ANGPTL1: variants seen among roughly 807,000 people sequenced by gnomAD.
ANGPTL1 encodes the protein angiopoietin like 1, also known as angiopoietin-related protein 1.
In ANGPTL1, 36 loss-of-function variants were observed where a neutral mutation model predicts 46.7. The ratio of observed to expected loss-of-function variants is 0.77; its 90% CI spans 0.59 to 1.02. The LOEUF (loss-of-function observed/expected upper bound fraction) is 1.02. Ranked by LOEUF, ANGPTL1 falls within the 50% of genes least tolerant of loss-of-function variation. ANGPTL1 has a pLI of 0.00. For synonymous variants in ANGPTL1, 221 were observed against 204.3 expected, an observed-to-expected ratio of 1.08 and a Z score of -0.69; for missense variants, 571 against 594.7, an observed-to-expected ratio of 0.96 and a Z score of 0.41.
chr1:178,855,656 G>A (rs1210430857), intron 3 of ANGPTL1, among the ~76,000 whole-genome samples: 2 of 151,614 alleles, frequency 1.3e-5, no homozygotes, highest in East Asian at 3.9e-4. Flanking sequence ...CTTTTGAGAT[G>A]CCCTATCTTT....
chr1:178,865,042 A>G lies in ANGPTL1; in HGVS notation c.735T>C (p.Tyr245=). The G allele has an allele frequency of 6.7e-7, 1 of 1,497,196 alleles. No individual in the cohort carries two copies. Among genetic ancestry groups the G allele is most frequent in the South Asian group, 1.4e-5 (1 of 69,978 alleles). The allele number at this position is 1,497,196 out of a possible 1,614,324, so 92.7% of individuals were successfully genotyped here. ...GGNEIQRDPG[Y]PRDLMPPPDL... The stretch of plus-strand genomic sequence containing the variant: ...CAGGTGGTGGCATTAAATCTCTGGG[A>G]TAACCTGGATCCCTCTGAATCTCGT... Residue 245 remains tyrosine (Y), a synonymous_variant, in exon 3 of 6, where the codon TAT becomes TAC. Transcript: ENST00000234816.
rs1195146197 is a variant in ANGPTL1 at position 178,857,148 on chromosome 1, A to C, written c.824-3361T>G. ...TGGGAGTGAGATGGAAGGAAAAGTA[A>C]ATTATGACTCCCAGGTTCATACTTA... On this transcript the variant is annotated intron_variant, in intron 3 of 5. Coordinates refer to ENST00000234816, the MANE Select transcript of ANGPTL1 (RefSeq NM_004673.4). Among the ~76,000 whole-genome samples the C allele has an allele frequency of 3.3e-5, 5 of 152,190 alleles. No homozygotes were observed. The East Asian group carries it at 9.6e-4, about 29-fold the overall frequency.
At chr1:178,867,443 A>G (rs1471892623) in intron 2 of ANGPTL1, among the ~76,000 whole-genome samples, 1 of 152,104 alleles carries the variant, frequency 6.6e-6, no homozygotes, top group Admixed American at 6.6e-5. Flanking sequence ...ATTTGCATTT[A>G]TAACACTGAA....
chr1:178,861,144 T>C lies in ANGPTL1; in HGVS notation c.823+3810A>G, dbSNP rs374704684. ...AAGGTAGTGGTAGAACCAGGTGTTC[T>C]TAATTCCATGCTCTTTCCCTTATAT... is the stretch of plus-strand genomic sequence containing the variant. On this transcript the variant is annotated intron_variant, in intron 3 of 5. Coordinates refer to ENST00000234816, the MANE Select transcript of ANGPTL1 (RefSeq NM_004673.4). Among the ~76,000 whole-genome samples the C allele has an allele frequency of 3.9e-5, 6 of 152,292 alleles. No individual in the cohort carries two copies. In the East Asian group the frequency reaches 1.2e-3, roughly 29 times the overall value.
chr1:178,865,297 A>G lies in ANGPTL1; in HGVS notation c.480T>C (p.Asn160=). Residue 160 remains asparagine (N), a synonymous_variant, in exon 3 of 6, where the codon AAT becomes AAC. Coordinates refer to ENST00000234816, the MANE Select transcript of ANGPTL1 (RefSeq NM_004673.4). ...CCATCTTCAACATTTCTGTGGTGACATTGAGGATTTTGTTTTCCAGTTGGG... is the reference window on the plus strand; with the variant it reads ...CCATCTTCAACATTTCTGTGGTGACGTTGAGGATTTTGTTTTCCAGTTGGG... ...ELSQLENKIL[N]VTTEMLKMAT... 6.2e-7 allele frequency: 1 copy of G among 1,614,068 alleles called. No individual in the cohort carries two copies. The highest frequency in any genetic ancestry group is 8.5e-7 in the Non-Finnish European group (1 of 1,179,976).
At chr1:178,870,121 G>T (rs1231895290) in intron 1 of ANGPTL1, among the ~76,000 whole-genome samples, 2 of 152,110 alleles carry the variant, frequency 1.3e-5, no homozygotes, top group Non-Finnish European at 1.5e-5. Context: ...ACTATTACAT[G>T]TAAGCCTGGA....
At chr1:178,858,227 A>G (rs1040747138) in intron 3 of ANGPTL1, among the ~76,000 whole-genome samples, 1 of 152,146 alleles carries the variant, frequency 6.6e-6, no homozygotes, top group African/African-American at 2.4e-5. Flanking sequence ...TCCAGTGTAT[A>G]TTGTTGATCC....
chr1:178,853,046 A>ATACTGG lies in ANGPTL1; in HGVS notation c.1018-99_1018-94dup, dbSNP rs1657289807. The ATACTGG allele has an allele frequency of 4.0e-6, 6 of 1,485,014 alleles. No individual in the cohort carries two copies. In the Admixed American group the frequency reaches 1.4e-4, roughly 34 times the overall value. 92.0% of individuals were successfully genotyped at this position (1,485,014 alleles called of 1,614,324 possible). ...GTGTTAAACATTCGATAGCATAAAG[A>ATACTGG]TACTGGCCATTTAAGTGGTAATGTG... On this transcript the variant is annotated intron_variant, in intron 4 of 5. Transcript: ENST00000234816.
At chr1:178,854,466 C>T (rs1331770194) in intron 3 of ANGPTL1, among the ~76,000 whole-genome samples, 23 of 152,084 alleles carry the variant, frequency 1.5e-4, no homozygotes. Flanking sequence ...TGAAATAAAC[C>T]AGATGCCCAA....
At chr1:178,859,761 G>A (rs112445053) in intron 3 of ANGPTL1, among the ~76,000 whole-genome samples, 2,630 of 114,090 alleles carry the variant, frequency 0.023, 270 homozygotes, top group African/African-American at 0.1. Context: ...GCAGTGTCGC[G>A]ATCTCGGCTC....
At chr1:178,861,580 G>T (rs1434076624) in intron 3 of ANGPTL1, among the ~76,000 whole-genome samples, 5 of 151,928 alleles carry the variant, frequency 3.3e-5, no homozygotes, top group Non-Finnish European at 5.9e-5. Flanking sequence ...GCTAGAATTG[G>T]TTATACCATC....
intron 5 of ANGPTL1, among the ~76,000 whole-genome samples, chr1:178,851,795 A>G (rs77307991): frequency 0.041 from 6,236 of 152,218 alleles, 174 homozygotes; most frequent in African/African-American, 0.072. Context: ...TTACCAGTGT[A>G]AAATTGGTTA....
At chr1:178,851,679 T>C (rs77510120) in intron 5 of ANGPTL1, among the ~76,000 whole-genome samples, 7,968 of 152,150 alleles carry the variant, frequency 0.052, 726 homozygotes, top group African/African-American at 0.18. Context: ...AATTGAATTG[T>C]CAAAATAAAA....
chr1:178,863,773 A>G (rs944270833), intron 3 of ANGPTL1, among the ~76,000 whole-genome samples: 1 of 152,224 alleles, frequency 6.6e-6, no homozygotes, highest in African/African-American at 2.4e-5. Context: ...AAGGACCTAA[A>G]GAAATAGGAA....
At position 178,870,194 on chromosome 1, in the gene ANGPTL1, G is replaced by A. The variant is rs565600918; in HGVS notation, c.-137+547C>T. ...ATAGATTAATCTTAAATCTGTACAAGAATTTCTGCTTAATATTTGGTTATA... is the reference window on the plus strand; with the variant it reads ...ATAGATTAATCTTAAATCTGTACAAAAATTTCTGCTTAATATTTGGTTATA... On this transcript the variant is annotated intron_variant, in intron 1 of 5. Coordinates refer to ENST00000234816, the MANE Select transcript of ANGPTL1 (RefSeq NM_004673.4). 5.3e-5 allele frequency among the ~76,000 whole-genome samples: 8 copies of A among 152,214 alleles called. 1 individual carries two copies. In the South Asian group the frequency reaches 1.5e-3, roughly 28 times the overall value.
intron 3 of ANGPTL1, among the ~76,000 whole-genome samples, chr1:178,859,484 A>G (rs1572414297): frequency 6.9e-6 from 1 of 145,982 alleles, no homozygotes; most frequent in South Asian, 2.2e-4. Context: ...GCTCACTGCA[A>G]CCTCCGCCTC....
chr1:178,865,632 A>T lies in ANGPTL1; in HGVS notation c.145T>A (p.Cys49Ser), dbSNP rs142483649. Reference protein sequence around the residue: ...ATDGKEEAKKCAYTFLVPEQR... With the variant: ...ATDGKEEAKKSAYTFLVPEQR... The stretch of plus-strand genomic sequence containing the variant: ...TCAGGTACCAGGAATGTGTATGCAC[A>T]TTTCTTTGCTTCCTCTTTACCATCT... Residue 49 changes from cysteine (C) to serine (S), a missense_variant, in exon 3 of 6, where the codon TGT becomes AGT. Coordinates refer to ENST00000234816, the MANE Select transcript of ANGPTL1 (RefSeq NM_004673.4). 6.2e-7 allele frequency: 1 copy of T among 1,613,948 alleles called. No individual in the cohort carries two copies. The highest frequency in any genetic ancestry group is 8.5e-7 in the Non-Finnish European group (1 of 1,179,926).
In ANGPTL1 at chr1:178,849,896, T is replaced by A. The variant is rs1454731016; in HGVS notation, c.*1233A>T. On this transcript the variant is annotated 3_prime_UTR_variant, in exon 6 of 6. Transcript: ENST00000234816. ...TCTTTTTGCTTAAGCAAAAGTTTCA[T>A]GAGCTATCTTTAAAATTTTAACTTC... The A allele has an allele frequency of 6.6e-6, 1 of 152,244 alleles. No individual in the cohort carries two copies. The highest frequency in any genetic ancestry group is 2.4e-5 in the African/African-American group (1 of 41,468). 9.4% of individuals were successfully genotyped at this position (152,244 alleles called of 1,614,324 possible).
At chr1:178,856,202 G>GAGAGATATATATATATATATATATAT (rs1428022812) in intron 3 of ANGPTL1, among the ~76,000 whole-genome samples, 1 of 83,908 alleles carries the variant, frequency 1.2e-5, no homozygotes, top group African/African-American at 6.4e-5. Context: ...GAGAGAGAGA[G>GAGAGATATATATATATATATATATAT]ATATATATAT....
Sources: allele counts gnomAD v4.1 joint callset (sites outside exome capture counted in the v4.1 genomes callset), GRCh38; gene constraint gnomAD v4.1.1; transcripts MANE v1.5; gene names NCBI Gene and HGNC (gene_info 2026-07-23, HGNC 2026-07-21).